KIRREL3: variants seen among roughly 807,000 people sequenced by gnomAD.
The protein encoded by KIRREL3 is kin of IRRE-like protein 3.
Under a neutral mutation model 89.7 loss-of-function variants are expected in KIRREL3, and 36 were observed. The observed-to-expected ratio is 0.40, with a 90% CI of 0.31 to 0.53. The LOEUF (loss-of-function observed/expected upper bound fraction) is 0.53, where lower values mean the gene tolerates loss of function less well. Among genes scored for constraint, KIRREL3 ranks in the 20% least tolerant of loss-of-function variants. The pLI is 0.49. For synonymous variants in KIRREL3, 445 were observed against 441.4 expected, an observed-to-expected ratio of 1.01 and a Z score of -0.10; for missense variants, 864 against 1,056.6, an observed-to-expected ratio of 0.82 and a Z score of 2.53.
At chr11:126,727,259 C>A (rs1418961958) in intron 1 of KIRREL3, among the ~76,000 whole-genome samples, 2 of 152,260 alleles carry the variant, frequency 1.3e-5, no homozygotes, top group African/African-American at 4.8e-5. Context: ...ACTCTCCCTG[C>A]ACAGAGCAGG....
rs557751542 is a variant in KIRREL3 at position 126,766,352 on chromosome 11, T to C, written c.56-203440A>G. ...TGACAGTGTTGCAGAATTAGAACAC[T>C]CACTCCTACGCGGAGAAGAAAAAAC... is the stretch of plus-strand genomic sequence containing the variant. On this transcript the variant is annotated intron_variant, in intron 1 of 16. Transcript: ENST00000525144. The surrounding 1 kb of genome is among the most constrained non-coding windows in gnomAD (Gnocchi z 4.2). Among the ~76,000 whole-genome samples the C allele has an allele frequency of 6.6e-6, 1 of 152,086 alleles. No individual in the cohort carries two copies. Among genetic ancestry groups the C allele is most frequent in the Non-Finnish European group, 1.5e-5 (1 of 68,018 alleles).
intron 1 of KIRREL3, among the ~76,000 whole-genome samples, chr11:126,662,906 CTT>C (rs756193928): frequency 9.8e-5 from 9 of 91,898 alleles, no homozygotes; most frequent in African/African-American, 2.1e-4. Flanking sequence ...AAAGTCCTTT[CTT>C]TTTTTTTTTT....
chr11:126,581,207 T>C (rs1450711905), intron 1 of KIRREL3, among the ~76,000 whole-genome samples: 4 of 152,130 alleles, frequency 2.6e-5, no homozygotes, highest in African/African-American at 4.8e-5. Flanking sequence ...TCACATTATA[T>C]TGAATTTTTT....
At chr11:126,929,425 G>A (rs1005048363) in intron 1 of KIRREL3, among the ~76,000 whole-genome samples, 5 of 152,174 alleles carry the variant, frequency 3.3e-5, no homozygotes, top group African/African-American at 1.2e-4. Context: ...GGCCTTTTGT[G>A]TACAGAAAGA....
intron 1 of KIRREL3, among the ~76,000 whole-genome samples, chr11:126,881,693 A>C (rs1429505993): frequency 6.6e-6 from 1 of 152,094 alleles, no homozygotes; most frequent in East Asian, 1.9e-4. Context: ...GATTACAGGT[A>C]CCCACCACCA....
In KIRREL3 at chr11:126,656,223, T is replaced by A. The variant is rs1945131748; in HGVS notation, c.56-93311A>T. ...AGTTAGGACTCCGAAGTCAGAAAGA[T>A]GCCTGTTGGTTCTGCCGTTCATATC... is the stretch of plus-strand genomic sequence containing the variant. On this transcript the variant is annotated intron_variant, in intron 1 of 16. Transcript: ENST00000525144. This position sits in a 1 kb window ranked among gnomAD's most constrained non-coding sequence, Gnocchi z 4.0. 6.8e-5 allele frequency: 31 copies of A among 455,592 alleles called. 1 individual carries two copies. The highest frequency in any genetic ancestry group is 4.8e-4 in the South Asian group (31 of 64,468). The allele number at this position is 455,592 out of a possible 1,614,324, so 28.2% of individuals were successfully genotyped here.
At chr11:126,631,144 C>T (rs1944009025) in intron 1 of KIRREL3, among the ~76,000 whole-genome samples, 1 of 150,892 alleles carries the variant, frequency 6.6e-6, no homozygotes, top group African/African-American at 2.5e-5. Flanking sequence ...TTCATTCATT[C>T]ATTCATTCAT....
intron 1 of KIRREL3, among the ~76,000 whole-genome samples, chr11:126,863,562 A>AGT (rs777621858): frequency 3.5e-5 from 3 of 84,720 alleles, no homozygotes; most frequent in African/African-American, 1.4e-4. Context: ...TGCATGTGTG[A>AGT]GTGTGTTTGA....
chr11:126,733,778 G>C (rs1401738170), intron 1 of KIRREL3, among the ~76,000 whole-genome samples: 1 of 152,068 alleles, frequency 6.6e-6, no homozygotes, highest in Non-Finnish European at 1.5e-5. Flanking sequence ...GATTTGAACG[G>C]GTTGCTGCTT....
chr11:126,868,228 A>C (rs1944987353), intron 1 of KIRREL3, among the ~76,000 whole-genome samples: 1 of 152,072 alleles, frequency 6.6e-6, no homozygotes, highest in African/African-American at 2.4e-5. Context: ...TCCTGTTACG[A>C]AGGTGGCAAT....
chr11:126,438,717 A>T (rs542454660), intron 11 of KIRREL3, among the ~76,000 whole-genome samples: 1 of 152,370 alleles, frequency 6.6e-6, no homozygotes, highest in African/African-American at 2.4e-5. Flanking sequence ...TATTAGTTTT[A>T]TTCATGAGTT....
rs939005531 is a variant in KIRREL3 at position 126,696,931 on chromosome 11, G to A, written c.56-134019C>T. Reference sequence around the variant, plus strand: ...CAGTTTCTTCATCTGTATTAATGGAGATGACCTAAGAGCTGCCCTGAGGAT... The same window carrying A: ...CAGTTTCTTCATCTGTATTAATGGAAATGACCTAAGAGCTGCCCTGAGGAT... On this transcript the variant is annotated intron_variant, in intron 1 of 16. Coordinates refer to ENST00000525144, the MANE Select transcript of KIRREL3 (RefSeq NM_032531.4). The surrounding 1 kb of genome is among the most constrained non-coding windows in gnomAD (Gnocchi z 4.4). Among the ~76,000 whole-genome samples, 2 of 152,156 alleles carry A rather than the reference G, an allele frequency of 1.3e-5. No individual in the cohort carries two copies. Among genetic ancestry groups the A allele is most frequent in the Admixed American group, 6.5e-5 (1 of 15,276 alleles).
intron 1 of KIRREL3, among the ~76,000 whole-genome samples, chr11:126,923,105 C>T (rs1008854085): frequency 1.5e-5 from 1 of 65,552 alleles, no homozygotes; most frequent in African/African-American, 9.0e-5. Context: ...TCTTCTTCTC[C>T]TTCTCCTTCT....
chr11:126,548,206 G>A (rs1338298434), intron 2 of KIRREL3, among the ~76,000 whole-genome samples: 10 of 151,974 alleles, frequency 6.6e-5, no homozygotes, highest in African/African-American at 2.4e-4. Flanking sequence ...TTTATTATAT[G>A]CCCATCTCCC....
rs932189854 is a variant in KIRREL3 at position 126,571,257 on chromosome 11, G to A, written c.56-8345C>T. On this transcript the variant is annotated intron_variant, in intron 1 of 16. Coordinates refer to ENST00000525144, the MANE Select transcript of KIRREL3 (RefSeq NM_032531.4). The surrounding 1 kb of genome is among the most constrained non-coding windows in gnomAD (Gnocchi z 7.7). ...CTCCCCTACCCTCAGACACTGCCTG[G>A]GATCTTTCTCCCAACTGATGAATTG... 6.6e-6 allele frequency among the ~76,000 whole-genome samples: 1 copy of A among 152,134 alleles called. No individual in the cohort carries two copies. The highest frequency in any genetic ancestry group is 1.9e-4 in the East Asian group (1 of 5,192).
Position 126,498,495 on chromosome 11 carries a change from CAGCGAG to C in KIRREL3, c.433+22814_433+22819del, listed in dbSNP as rs1415671136. Among the ~76,000 whole-genome samples, 1 of 152,168 alleles carries C rather than the reference CAGCGAG, an allele frequency of 6.6e-6. No homozygotes were observed. The highest frequency in any genetic ancestry group is 1.5e-5 in the Non-Finnish European group (1 of 68,040). The stretch of plus-strand genomic sequence containing the variant: ...ATCCTGTCTGTCAGGTAAGGGGTGG[CAGCGAG>C]AGATAATTATAATCAGATCTAATTA... On this transcript the variant is annotated intron_variant, in intron 4 of 16. Transcript: ENST00000525144. This position sits in a 1 kb window ranked among gnomAD's most constrained non-coding sequence, Gnocchi z 4.3.
At chr11:126,851,747 T>C (rs1296396275) in intron 1 of KIRREL3, among the ~76,000 whole-genome samples, 1 of 152,188 alleles carries the variant, frequency 6.6e-6, no homozygotes, top group African/African-American at 2.4e-5. Context: ...GATTAAGACA[T>C]CCTGGCAGGG....
chr11:126,746,419 A>G (rs1003581175), intron 1 of KIRREL3, among the ~76,000 whole-genome samples: 1 of 152,182 alleles, frequency 6.6e-6, no homozygotes, highest in Admixed American at 6.5e-5. Context: ...GTGGCAATAC[A>G]TTGAGACTCC....
At chr11:126,680,061 A>C (rs2135095347) in intron 1 of KIRREL3, among the ~76,000 whole-genome samples, 1 of 152,316 alleles carries the variant, frequency 6.6e-6, no homozygotes, top group East Asian at 1.9e-4. Flanking sequence ...GCTTCTCCTC[A>C]TTAAAGAAAA....
Sources: allele counts gnomAD v4.1 joint callset (sites outside exome capture counted in the v4.1 genomes callset), GRCh38; gene constraint gnomAD v4.1.1; non-coding constraint Gnocchi (gnomAD v3.1); transcripts MANE v1.5; gene names NCBI Gene and HGNC (gene_info 2026-07-23, HGNC 2026-07-21).